GALNTL6: variants seen among roughly 807,000 people sequenced by gnomAD.
GALNTL6 encodes the protein polypeptide N-acetylgalactosaminyltransferase like 6, also known as polypeptide N-acetylgalactosaminyltransferase-like 6.
GALNTL6 carries 46 observed loss-of-function variants against 73.7 expected under a neutral mutation model. That is an observed-to-expected ratio of 0.62 (90% CI 0.49 to 0.80). The LOEUF (loss-of-function observed/expected upper bound fraction) is 0.80. Ranked by LOEUF, GALNTL6 falls within the 30% of genes least tolerant of loss-of-function variation. The pLI is 0.00. For missense variants in GALNTL6, 604 were observed against 755.0 expected, an observed-to-expected ratio of 0.80 and a Z score of 2.34; for synonymous variants, 259 against 263.7, an observed-to-expected ratio of 0.98 and a Z score of 0.17.
chr4:172,804,972 C>G (rs1470100582), intron 5 of GALNTL6, among the ~76,000 whole-genome samples: 1 of 152,070 alleles, frequency 6.6e-6, no homozygotes, highest in African/African-American at 2.4e-5. Context: ...AAATACCAAC[C>G]AATGGGATGC....
intron 5 of GALNTL6, among the ~76,000 whole-genome samples, chr4:172,390,088 T>G (rs1328846631): frequency 6.6e-6 from 1 of 152,206 alleles, no homozygotes; most frequent in African/African-American, 2.4e-5. Context: ...ATTTAAATTT[T>G]TTTCTTATTA....
intron 5 of GALNTL6, among the ~76,000 whole-genome samples, chr4:172,531,455 T>C (rs564177321): frequency 6.6e-6 from 1 of 152,338 alleles, no homozygotes; most frequent in Admixed American, 6.5e-5. Context: ...TTCAAACAGC[T>C]GACACGTCCC....
At chr4:172,428,347 CA>C (rs1579062633) in intron 5 of GALNTL6, among the ~76,000 whole-genome samples, 1 of 151,972 alleles carries the variant, frequency 6.6e-6, no homozygotes, top group African/African-American at 2.4e-5. Flanking sequence ...ATGAAAAATA[CA>C]AAAAGTAAAA....
At chr4:172,639,553 C>G (rs1739865924) in intron 5 of GALNTL6, among the ~76,000 whole-genome samples, 1 of 152,016 alleles carries the variant, frequency 6.6e-6, no homozygotes, top group South Asian at 2.1e-4. Context: ...GTTCATTACC[C>G]CTAGAGAATC....
At chr4:172,464,376 A>C (rs900217711) in intron 5 of GALNTL6, among the ~76,000 whole-genome samples, 2 of 152,110 alleles carry the variant, frequency 1.3e-5, no homozygotes, top group Non-Finnish European at 2.9e-5. Flanking sequence ...AGTACTTCCT[A>C]TTGATAAAGA....
At chr4:172,149,191 A>G (rs1197585068) in intron 2 of GALNTL6, among the ~76,000 whole-genome samples, 1 of 152,238 alleles carries the variant, frequency 6.6e-6, no homozygotes, top group Non-Finnish European at 1.5e-5. Flanking sequence ...ACATACACAC[A>G]TATACATATA....
intron 5 of GALNTL6, among the ~76,000 whole-genome samples, chr4:172,462,215 T>C (rs999649946): frequency 2.0e-5 from 3 of 152,198 alleles, no homozygotes; most frequent in African/African-American, 7.2e-5. Flanking sequence ...TTGGGACTTT[T>C]TGGCCTCCAT....
chr4:172,559,058 A>ATTTTTTTT lies in GALNTL6; in HGVS notation c.553+210388_553+210395dup, dbSNP rs71592081. 2.1e-4 allele frequency among the ~76,000 whole-genome samples: 16 copies of ATTTTTTTT among 77,386 alleles called. 3 individuals are homozygous for ATTTTTTTT. The highest frequency in any genetic ancestry group is 4.5e-4 in the Admixed American group (2 of 4,454). 50.8% of individuals were successfully genotyped at this position (77,386 alleles called of 152,430 possible). A position where few individuals can be genotyped will look rare whatever the true frequency, so the allele number is the denominator to read the frequency against. On this transcript the variant is annotated intron_variant, in intron 5 of 12. Transcript: ENST00000506823. The stretch of plus-strand genomic sequence containing the variant: ...GTAAGGATGATGATAATGATAATGG[A>ATTTTTTTT]TTTTTTTTTTTTTTTTTTTTTTTTT...
intron 5 of GALNTL6, among the ~76,000 whole-genome samples, chr4:172,773,125 C>T (rs9312533): frequency 0.044 from 6,718 of 152,206 alleles, 257 homozygotes; most frequent in African/African-American, 0.099. Flanking sequence ...TGCATCACTC[C>T]GTGTGATGAA....
intron 5 of GALNTL6, among the ~76,000 whole-genome samples, chr4:172,671,378 C>G (rs1002975802): frequency 6.6e-6 from 1 of 152,008 alleles, no homozygotes; most frequent in African/African-American, 2.4e-5. Flanking sequence ...CCCTAGTTAG[C>G]TGTATTCCTA....
intron 2 of GALNTL6, among the ~76,000 whole-genome samples, chr4:171,990,851 A>C (rs1364481484): frequency 6.6e-6 from 1 of 152,200 alleles, no homozygotes; most frequent in African/African-American, 2.4e-5. Context: ...ATATTGTTTT[A>C]AATGTTGCTG....
chr4:172,679,554 T>A (rs992052803), intron 5 of GALNTL6, among the ~76,000 whole-genome samples: 4 of 152,170 alleles, frequency 2.6e-5, no homozygotes, highest in Non-Finnish European at 4.4e-5. Flanking sequence ...GCTTCTACAG[T>A]GTTATATTTT....
chr4:172,994,327 G>C (rs1277342710), intron 10 of GALNTL6, among the ~76,000 whole-genome samples: 1 of 152,158 alleles, frequency 6.6e-6, no homozygotes, highest in African/African-American at 2.4e-5. Flanking sequence ...GTGTGACTTG[G>C]AACTTTAAGG....
chr4:172,657,879 C>G (rs886730727), intron 5 of GALNTL6, among the ~76,000 whole-genome samples: 5 of 151,870 alleles, frequency 3.3e-5, no homozygotes, highest in East Asian at 3.9e-4. Flanking sequence ...GGCCGGGCGC[C>G]GTGGCTCACG....
chr4:172,156,916 T>C (rs1311166426), intron 2 of GALNTL6, among the ~76,000 whole-genome samples: 1 of 152,140 alleles, frequency 6.6e-6, no homozygotes, highest in Non-Finnish European at 1.5e-5. Context: ...GTTATATATA[T>C]GCTTATTATA....
At chr4:172,235,036 C>T (rs1200568478) in intron 3 of GALNTL6, among the ~76,000 whole-genome samples, 1 of 151,946 alleles carries the variant, frequency 6.6e-6, no homozygotes, top group Non-Finnish European at 1.5e-5. Context: ...AGTAATTTGT[C>T]CATTATATCT....
chr4:172,484,408 A>G (rs1184989050), intron 5 of GALNTL6, among the ~76,000 whole-genome samples: 3 of 152,218 alleles, frequency 2.0e-5, no homozygotes, highest in Non-Finnish European at 4.4e-5. Flanking sequence ...TATCAGTGTA[A>G]CAGGAAGTAT....
At chr4:172,097,708 C>T (rs577242795) in intron 2 of GALNTL6, among the ~76,000 whole-genome samples, 128 of 152,272 alleles carry the variant, frequency 8.4e-4, no homozygotes, top group African/African-American at 3.0e-3. Context: ...CCATCAACTG[C>T]CTACCTTCAC....
chr4:172,338,847 C>T (rs1347880380), intron 4 of GALNTL6, among the ~76,000 whole-genome samples: 1 of 152,186 alleles, frequency 6.6e-6, no homozygotes, highest in Non-Finnish European at 1.5e-5. Flanking sequence ...GTGCCTACGA[C>T]TGGCGCTGGG....
Sources: allele counts gnomAD v4.1 joint callset (sites outside exome capture counted in the v4.1 genomes callset), GRCh38; gene constraint gnomAD v4.1.1; transcripts MANE v1.5; gene names NCBI Gene and HGNC (gene_info 2026-07-23, HGNC 2026-07-21).